BABAM2: variants seen among roughly 807,000 people sequenced by gnomAD.
BABAM2 encodes BRISC and BRCA1 A complex member 2.
Under a neutral mutation model 54.7 loss-of-function variants are expected in BABAM2, and 31 were observed. The observed-to-expected ratio is 0.57, with a 90% CI of 0.43 to 0.77. The LOEUF (loss-of-function observed/expected upper bound fraction) is 0.77, where lower values mean the gene tolerates loss of function less well. BABAM2 is among the 30% of genes least tolerant of loss of function. The pLI, the probability that BABAM2 is intolerant of heterozygous loss-of-function variation, is 0.00. For synonymous variants in BABAM2, 167 were observed against 162.9 expected (o/e 1.03, Z -0.19); for missense variants, 364 against 455.8 (o/e 0.80, Z 1.83).
At chr2:28,235,731 A>G (rs968452455) in intron 7 of BABAM2, among the ~76,000 whole-genome samples, 1 of 152,116 alleles carries the variant, frequency 6.6e-6, no homozygotes, top group Non-Finnish European at 1.5e-5. Context: ...ATCTCGGCTC[A>G]CTGCAACCTC....
chr2:28,335,478 C>T (rs2148344061), intron 11 of BABAM2, among the ~76,000 whole-genome samples: 1 of 152,340 alleles, frequency 6.6e-6, no homozygotes, highest in Non-Finnish European at 1.5e-5. Context: ...CCTCTCCCGC[C>T]TTCTTAAACA....
chr2:28,061,520 G>C (rs1209921791), intron 6 of BABAM2, among the ~76,000 whole-genome samples: 1 of 147,924 alleles, frequency 6.8e-6, no homozygotes, highest in Non-Finnish European at 1.5e-5. Context: ...GGGAGGCGGA[G>C]CTTGCACTGA....
At chr2:27,894,771 A>C in intron 2 of BABAM2, 87 bp downstream of exon 2, 2 of 1,512,964 alleles carry the variant, frequency 1.3e-6, no homozygotes, top group Non-Finnish European at 1.8e-6. Context: ...ACTCATAAAA[A>C]TTGACTGCCA....
At chr2:27,919,057 T>C (rs375740526) in intron 2 of BABAM2, among the ~76,000 whole-genome samples, 18 of 152,208 alleles carry the variant, frequency 1.2e-4, no homozygotes, top group African/African-American at 3.4e-4. Flanking sequence ...TATTTTCTTC[T>C]TAATAATAGC....
intron 3 of BABAM2, among the ~76,000 whole-genome samples, chr2:27,936,021 C>T (rs889321236): frequency 3.3e-5 from 5 of 152,090 alleles, no homozygotes; most frequent in Admixed American, 6.5e-5. Flanking sequence ...CAGGTTCAGG[C>T]GATTCTTCTG....
intron 6 of BABAM2, among the ~76,000 whole-genome samples, chr2:28,110,630 A>G (rs1054167467): frequency 6.6e-6 from 1 of 152,088 alleles, no homozygotes; most frequent in African/African-American, 2.4e-5. Flanking sequence ...TCTCAAAAAA[A>G]AATAAATAAA....
At chr2:27,975,765 C>T (rs1288124206) in intron 3 of BABAM2, among the ~76,000 whole-genome samples, 1 of 151,754 alleles carries the variant, frequency 6.6e-6, no homozygotes, top group Non-Finnish European at 1.5e-5. Context: ...AAGAGGAGGA[C>T]AAGAAGCAGT....
intron 10 of BABAM2, among the ~76,000 whole-genome samples, chr2:28,256,007 G>C (rs1403733299): frequency 6.6e-6 from 1 of 152,078 alleles, no homozygotes; most frequent in African/African-American, 2.4e-5. Flanking sequence ...TTGTGCCAAA[G>C]ATTCCTTTGG....
chr2:28,206,881 C>G (rs1678904769), intron 7 of BABAM2, among the ~76,000 whole-genome samples: 3 of 152,228 alleles, frequency 2.0e-5, no homozygotes, highest in Admixed American at 2.0e-4. Flanking sequence ...ACAACAACTA[C>G]TCCCCCTACT....
intron 10 of BABAM2, among the ~76,000 whole-genome samples, chr2:28,274,240 C>G (rs1030707220): frequency 3.3e-5 from 5 of 152,212 alleles, no homozygotes; most frequent in African/African-American, 4.8e-5. Flanking sequence ...CCTCATCTTT[C>G]TTGCACCATT....
At chr2:28,265,789 C>G (rs1684933617) in intron 10 of BABAM2, among the ~76,000 whole-genome samples, 1 of 152,092 alleles carries the variant, frequency 6.6e-6, no homozygotes, top group Admixed American at 6.5e-5. Flanking sequence ...AAGAATGTAC[C>G]TTTAACAATT....
intron 4 of BABAM2, among the ~76,000 whole-genome samples, chr2:27,992,470 G>C (rs552980178): frequency 6.6e-6 from 1 of 152,038 alleles, no homozygotes; most frequent in East Asian, 1.9e-4. Flanking sequence ...GAGGTAAGAC[G>C]TAGATATCTA....
chr2:28,160,762 A>T (rs1490077460), intron 7 of BABAM2, among the ~76,000 whole-genome samples: 4 of 143,156 alleles, frequency 2.8e-5, no homozygotes, highest in South Asian at 4.5e-4. Flanking sequence ...TTAAATAAAG[A>T]GTAGGTAGGT....
At chr2:28,015,825 G>T in intron 4 of BABAM2, 1 of 912,304 alleles carries the variant, frequency 1.1e-6, no homozygotes, top group South Asian at 1.4e-5. Flanking sequence ...TTTCTGTTTT[G>T]TTTTTTTCTG....
chr2:28,057,838 G>A (rs1678551527), intron 6 of BABAM2, among the ~76,000 whole-genome samples: 1 of 152,106 alleles, frequency 6.6e-6, no homozygotes, highest in Admixed American at 6.5e-5. Context: ...GAAAGACTTG[G>A]TTTTGATAAA....
intron 2 of BABAM2, among the ~76,000 whole-genome samples, chr2:27,925,823 G>A (rs189631288): frequency 5.9e-5 from 9 of 152,316 alleles, no homozygotes; most frequent in East Asian, 5.8e-4. Context: ...GCGCCTGAGT[G>A]TGGGCCTTAT....
intron 7 of BABAM2, among the ~76,000 whole-genome samples, chr2:28,143,403 G>A (rs575325264): frequency 9.9e-5 from 15 of 152,100 alleles, no homozygotes; most frequent in Non-Finnish European, 2.1e-4. Flanking sequence ...AGTTTGTGTA[G>A]GATGAATAAA....
At chr2:28,028,090 G>A (rs1402643751) in intron 5 of BABAM2, among the ~76,000 whole-genome samples, 2 of 152,100 alleles carry the variant, frequency 1.3e-5, no homozygotes, top group Non-Finnish European at 2.9e-5. Context: ...CTCAAGGCTC[G>A]ACTGGAGATG....
At chr2:28,319,358 A>C (rs947938688) in intron 11 of BABAM2, among the ~76,000 whole-genome samples, 1 of 152,252 alleles carries the variant, frequency 6.6e-6, no homozygotes, top group Non-Finnish European at 1.5e-5. Context: ...TCTGTCCCTG[A>C]GTGAGCACAC....
Sources: gnomAD v4.1 joint callset for allele counts (sites outside exome capture counted in the v4.1 genomes callset) on GRCh38, gnomAD v4.1.1 for gene constraint, MANE v1.5 for transcripts, NCBI Gene and HGNC (gene_info 2026-07-23, HGNC 2026-07-21) for gene names.